The following FOXA1 variants were observed in gnomAD, a reference collection of about 807,000 sequenced individuals.
FOXA1 encodes the protein forkhead box A1.
FOXA1 carries 9 observed loss-of-function variants against 29.2 expected under a neutral mutation model. The ratio of observed to expected loss-of-function variants is 0.31; its 90% CI spans 0.19 to 0.54. FOXA1 has a LOEUF of 0.54. FOXA1 is among the 20% of genes least tolerant of loss of function. The probability of loss-of-function intolerance (pLI) is 0.95; values close to 1 mark genes in which losing one functional copy is unlikely to be tolerated. For synonymous variants in FOXA1, 340 were observed against 300.9 expected, an observed-to-expected ratio of 1.13 and a Z score of -1.34; for missense variants, 644 against 681.2, an observed-to-expected ratio of 0.95 and a Z score of 0.61.
chr14:37,595,021 C>T lies in FOXA1; in HGVS notation c.-49G>A, dbSNP rs766169858. ...AACCATCCAGCCCTGTGCGAAGCGACGGGCGGCCGCGCGGCGCGGGGCGGG... is the reference window on the plus strand; with the variant it reads ...AACCATCCAGCCCTGTGCGAAGCGATGGGCGGCCGCGCGGCGCGGGGCGGG... On this transcript the variant is annotated 5_prime_UTR_variant, in exon 1 of 2. Transcript: ENST00000250448. The T allele has an allele frequency of 1.5e-5, 21 of 1,443,734 alleles. No homozygotes were observed. The highest frequency in any genetic ancestry group is 2.0e-5 in the Non-Finnish European group (21 of 1,065,004). 89.4% of individuals were successfully genotyped at this position (1,443,734 alleles called of 1,614,324 possible).
Position 37,591,382 on chromosome 14 carries a change from C to T in FOXA1, c.1402G>A (p.Val468Ile). 1.2e-6 allele frequency: 2 copies of T among 1,613,764 alleles called. No individual in the cohort carries two copies. The highest frequency in any genetic ancestry group is 1.7e-6 in the Non-Finnish European group (2 of 1,180,032). Residue 468 changes from valine (V) to isoleucine (I), a missense_variant, in exon 2 of 2, where the codon GTC becomes ATC. By Grantham distance (29) the Val-to-Ile change is conservative (BLOSUM62 3). This residue lies in a region of FOXA1 where 295 missense variants were observed against 294.4 expected (regional missense o/e 1.00). Transcript: ENST00000250448. The stretch of plus-strand genomic sequence containing the variant: ...CCCGGGAGCTAGGAAGTGTTTAGGA[C>T]GGGTCTGGAATACACACCTTGGTAG... ...AYYQGVYSRP[V>I]LNTS
chr14:37,591,623 G>A lies in FOXA1; in HGVS notation c.1161C>T (p.His387=). 2 of 1,605,998 alleles carry A rather than the reference G, an allele frequency of 1.2e-6. No homozygotes were observed. The highest frequency in any genetic ancestry group is 1.7e-6 in the Non-Finnish European group (2 of 1,175,908). Residue 387 remains histidine, a synonymous_variant, in exon 2 of 2, where the codon CAC becomes CAT. Transcript: ENST00000250448. ...AGGAGTAGTGGGGGTCCCCTTTCAG[G>A]TGCAGCTGGGACTCGTGGGGTGCCA... ...HGLAPHESQL[H]LKGDPHYSFN...
At chr14:37,593,205 A>T (rs2095597967) in intron 1 of FOXA1, among the ~76,000 whole-genome samples, 2 of 152,156 alleles carry the variant, frequency 1.3e-5, no homozygotes, top group African/African-American at 4.8e-5. Context: ...TTTGTTGTTT[A>T]TTGTATTTAG....
rs757819123 is a variant in FOXA1, at chr14:37,592,434, C to T, written c.350G>A (p.Gly117Asp). 1.2e-6 allele frequency: 2 copies of T among 1,601,018 alleles called. No homozygotes were observed. The highest frequency in any genetic ancestry group is 2.2e-5 in the South Asian group (2 of 90,714). Residue 117 changes from glycine (G) to aspartate (D), a missense_variant, in exon 2 of 2, where the codon GGT becomes GAT. Around this residue, in one of 5 missense-constraint regions of FOXA1, gnomAD observed 309 missense variants for 307.0 expected, o/e 1.01. Transcript: ENST00000250448. ...ALSPSGMGAM[G>D]AQQAASMNGL... ...ATTCATGGAGGCCGCCTGCTGCGCA[C>T]CCATGGCGCCCATGCCGCTCGGGCT...
Position 37,592,500 on chromosome 14 carries a change from C to A in FOXA1, c.284G>T (p.Ser95Ile), listed in dbSNP as rs201419897. The A allele has an allele frequency of 6.2e-7, 1 of 1,611,224 alleles. No individual in the cohort carries two copies. The highest frequency in any genetic ancestry group is 8.5e-7 in the Non-Finnish European group (1 of 1,179,438). Residue 95 changes from serine to isoleucine, a missense_variant, in exon 2 of 2, where the codon AGC (serine) becomes ATC (isoleucine). Around this residue, in one of 5 missense-constraint regions of FOXA1, gnomAD observed 309 missense variants for 307.0 expected, o/e 1.01. Transcript: ENST00000250448. ...GGCCGTCACGCCGGCCGCAGTCATG[C>A]TGTTCATGGCGCCCGCCGAGCCCCC... ...MPGGSAGAMN[S>I]MTAAGVTAMG...
rs542502067 is a variant in FOXA1, at chr14:37,592,132, T to C, written c.652A>G (p.Ile218Val). 2 of 1,612,672 alleles carry C rather than the reference T, an allele frequency of 1.2e-6. No individual in the cohort carries two copies. The highest frequency in any genetic ancestry group is 2.2e-5 in the East Asian group (1 of 44,826). Residue 218 changes from isoleucine (I) to valine (V), a missense_variant, in exon 2 of 2, where the codon ATC (isoleucine) becomes GTC (valine). Transcript: ENST00000250448. ...RQNQQRWQNS[I>V]RHSLSFNDCF... ...TCATTGAAGGACAGCGAGTGGCGGA[T>C]GGAGTTCTGCCAGCGCTGCTGGTTC...
Position 37,595,020 on chromosome 14 carries a change from A to T in FOXA1, c.-48T>A, listed in dbSNP as rs2139188433. The T allele has an allele frequency of 1.7e-6, 2 of 1,208,342 alleles. No homozygotes were observed. Among genetic ancestry groups the T allele is most frequent in the Non-Finnish European group, 2.3e-6 (2 of 860,900 alleles). 74.9% of individuals were successfully genotyped at this position (1,208,342 alleles called of 1,614,324 possible). A position where few individuals can be genotyped will look rare whatever the true frequency, so the allele number is the denominator to read the frequency against. On this transcript the variant is annotated 5_prime_UTR_variant, in exon 1 of 2. Transcript: ENST00000250448. ...CAACCATCCAGCCCTGTGCGAAGCGACGGGCGGCCGCGCGGCGCGGGGCGG... is the reference window on the plus strand; with the variant it reads ...CAACCATCCAGCCCTGTGCGAAGCGTCGGGCGGCCGCGCGGCGCGGGGCGG...
chr14:37,593,343 A>G (rs2095598111), intron 1 of FOXA1, among the ~76,000 whole-genome samples: 2 of 152,238 alleles, frequency 1.3e-5, no homozygotes, highest in East Asian at 3.8e-4. Context: ...AGGGGGTGCT[A>G]TAATAATCTC....
chr14:37,594,095 T>C, intron 1 of FOXA1: 1 of 1,266,498 alleles, frequency 7.9e-7, no homozygotes, highest in Non-Finnish European at 1.0e-6. Flanking sequence ...TTATTTTCTT[T>C]CCCTCTTCCC....
intron 1 of FOXA1, chr14:37,593,997 A>AAT: frequency 4.7e-6 from 5 of 1,071,152 alleles, no homozygotes; most frequent in African/African-American, 1.7e-5. Flanking sequence ...GTGAATACAT[A>AAT]AATCTAAATA....
Position 37,589,569 on chromosome 14 carries a change from C to A in FOXA1, c.*1796G>T, listed in dbSNP as rs2095593819. ...AGTCTCCGTTGGACACAACTTAATT[C>A]TATCAGCCACAGCTGATATTTTATT... On this transcript the variant is annotated 3_prime_UTR_variant, in exon 2 of 2. Coordinates refer to ENST00000250448, the MANE Select transcript of FOXA1 (RefSeq NM_004496.5). Among the ~76,000 whole-genome samples the A allele has an allele frequency of 6.6e-6, 1 of 152,062 alleles. No homozygotes were observed. Among genetic ancestry groups the A allele is most frequent in the African/African-American group, 2.4e-5 (1 of 41,384 alleles).
In FOXA1 at chr14:37,589,911, A is replaced by G. The variant is rs2095594172; in HGVS notation, c.*1454T>C. On this transcript the variant is annotated 3_prime_UTR_variant, in exon 2 of 2. Coordinates refer to ENST00000250448, the MANE Select transcript of FOXA1 (RefSeq NM_004496.5). The stretch of plus-strand genomic sequence containing the variant: ...TTTTGTCATTTATATTCAGTTCTAG[A>G]ATTTGAAAAATATCGTATTCAGAAA... 1 of 231,858 alleles carries G rather than the reference A, an allele frequency of 4.3e-6. No homozygotes were observed. Among genetic ancestry groups the G allele is most frequent in the East Asian group, 6.2e-5 (1 of 16,242 alleles). 14.4% of individuals were successfully genotyped at this position (231,858 alleles called of 1,614,324 possible).
At position 37,592,452 on chromosome 14, in the gene FOXA1, C is replaced by T. The variant is rs2095596879; in HGVS notation, c.332G>A (p.Ser111Asn). The T allele has an allele frequency of 5.6e-6, 9 of 1,604,076 alleles. No individual in the cohort carries two copies. The highest frequency in any genetic ancestry group is 6.8e-6 in the Non-Finnish European group (8 of 1,178,370). ...VTAMGTALSP[S>N]GMGAMGAQQA... ...CTGCGCACCCATGGCGCCCATGCCG[C>T]TCGGGCTCAGCGCCGTACCCATGGC... The change falls in exon 2 of 2, where the codon AGC (serine) becomes AAC (asparagine). Residue 111 changes from serine (S) to asparagine (N), a missense_variant. This residue lies in a region of FOXA1 where 309 missense variants were observed against 307.0 expected (regional missense o/e 1.01). Coordinates refer to ENST00000250448, the MANE Select transcript of FOXA1 (RefSeq NM_004496.5).
chr14:37,592,636 T>C lies in FOXA1; in HGVS notation c.148A>G (p.Met50Val), dbSNP rs140306561. The C allele has an allele frequency of 2.0e-5, 33 of 1,614,190 alleles. No homozygotes were observed. The highest frequency in any genetic ancestry group is 2.7e-5 in the Non-Finnish European group (32 of 1,180,028). ...TTGCCGCTCGTAGTCATGGTGTTCA[T>C]GGTCATGTAGGTGTTCATGGAGTTC... Reference protein sequence around the residue: ...SMNSMNTYMTMNTMTTSGNMT... With the variant: ...SMNSMNTYMTVNTMTTSGNMT... Residue 50 changes from methionine (M) to valine (V), a missense_variant, in exon 2 of 2, where the codon ATG (methionine) becomes GTG (valine). Coordinates refer to ENST00000250448, the MANE Select transcript of FOXA1 (RefSeq NM_004496.5).
chr14:37,591,481 C>CGG lies in FOXA1; in HGVS notation c.1301_1302dup (p.Ala435ProfsTer6), dbSNP rs1566823575. ...GAGGCGCTGCCTAGAGGCAGGCTGG[C>CGG]GGGCAACGTAGAGCCGTAAGGCGAG... On this transcript the variant is annotated frameshift_variant, in exon 2 of 2. Transcript: ENST00000250448. LOFTEE classifies it high-confidence loss of function. 1 of 1,614,166 alleles carries CGG rather than the reference C, an allele frequency of 6.2e-7. No individual in the cohort carries two copies. Among genetic ancestry groups the CGG allele is most frequent in the African/African-American group, 1.3e-5 (1 of 75,054 alleles).
chr14:37,592,448 G>A lies in FOXA1; in HGVS notation c.336C>T (p.Gly112=), dbSNP rs1033877760. The A allele has an allele frequency of 1.9e-6, 3 of 1,603,086 alleles. No homozygotes were observed. Among genetic ancestry groups the A allele is most frequent in the Non-Finnish European group, 2.5e-6 (3 of 1,178,124 alleles). Residue 112 remains glycine, a synonymous_variant, in exon 2 of 2, where the codon GGC becomes GGT. Coordinates refer to ENST00000250448, the MANE Select transcript of FOXA1 (RefSeq NM_004496.5). ...TAMGTALSPS[G]MGAMGAQQAA... The stretch of plus-strand genomic sequence containing the variant: ...CCTGCTGCGCACCCATGGCGCCCAT[G>A]CCGCTCGGGCTCAGCGCCGTACCCA...
chr14:37,594,405 GAAC>G, intron 1 of FOXA1: 2 of 1,016,720 alleles, frequency 2.0e-6, no homozygotes, highest in Non-Finnish European at 2.4e-6. Flanking sequence ...GGCTTTTGAA[GAAC>G]AAGTTTTACA....
At position 37,589,567 on chromosome 14, in the gene FOXA1, T is replaced by C. The variant is rs1197012329; in HGVS notation, c.*1798A>G. On this transcript the variant is annotated 3_prime_UTR_variant, in exon 2 of 2. Coordinates refer to ENST00000250448, the MANE Select transcript of FOXA1 (RefSeq NM_004496.5). ...TGAGTCTCCGTTGGACACAACTTAATTCTATCAGCCACAGCTGATATTTTA... is the reference window on the plus strand; with the variant it reads ...TGAGTCTCCGTTGGACACAACTTAACTCTATCAGCCACAGCTGATATTTTA... 1.3e-5 allele frequency among the ~76,000 whole-genome samples: 2 copies of C among 152,168 alleles called. No homozygotes were observed. Among genetic ancestry groups the C allele is most frequent in the Non-Finnish European group, 2.9e-5 (2 of 68,034 alleles).
Position 37,594,246 on chromosome 14 carries a change from G to A in FOXA1, c.72+655C>T, listed in dbSNP as rs1490532449. 12 of 1,268,318 alleles carry A rather than the reference G, an allele frequency of 9.5e-6. No individual in the cohort carries two copies. The African/African-American group carries it at 1.1e-4, about 11-fold the overall frequency. 78.6% of individuals were successfully genotyped at this position (1,268,318 alleles called of 1,614,324 possible). A position where few individuals can be genotyped will look rare whatever the true frequency, so the allele number is the denominator to read the frequency against. On this transcript the variant is annotated intron_variant, in intron 1 of 1. Coordinates refer to ENST00000250448, the MANE Select transcript of FOXA1 (RefSeq NM_004496.5). ...AACTGGTTTTCCCTGTAATCCTTTT[G>A]TGCACATTGTAAAAATAACCCCCAT...
Sources: allele counts gnomAD v4.1 joint callset (sites outside exome capture counted in the v4.1 genomes callset), GRCh38; gene constraint gnomAD v4.1.1; regional missense constraint gnomAD v4.1.1; transcripts MANE v1.5; gene names NCBI Gene and HGNC (gene_info 2026-07-23, HGNC 2026-07-21).